ADCY10: variants seen among roughly 807,000 people sequenced by gnomAD.
ADCY10 encodes adenylate cyclase type 10.
In ADCY10, 156 loss-of-function variants were observed where a neutral mutation model predicts 183.3. The observed-to-expected ratio is 0.85, with a 90% CI of 0.75 to 0.97. The LOEUF (loss-of-function observed/expected upper bound fraction) is 0.97, where lower values mean the gene tolerates loss of function less well. Among genes scored for constraint, ADCY10 ranks in the 50% least tolerant of loss-of-function variants. The pLI, the probability that ADCY10 is intolerant of heterozygous loss-of-function variation, is 0.00. For missense variants in ADCY10, 1,745 were observed against 1,934.3 expected, an observed-to-expected ratio of 0.90 and a Z score of 1.84; for synonymous variants, 645 against 670.0, an observed-to-expected ratio of 0.96 and a Z score of 0.58.
intron 1 of ADCY10, among the ~76,000 whole-genome samples, chr1:167,907,167 T>C (rs930241134): frequency 3.3e-5 from 5 of 152,164 alleles, no homozygotes; most frequent in African/African-American, 9.7e-5. Context: ...CAAAAAACCA[T>C]GGAGAACAAG....
intron 14 of ADCY10, among the ~76,000 whole-genome samples, chr1:167,866,530 C>CAAAAAAAAAAAAAAAAAAAAAAA: frequency 9.0e-6 from 1 of 110,782 alleles, no homozygotes; most frequent in Non-Finnish European, 2.0e-5. Context: ...CTCTATGTGC[C>CAAAAAAAAAAAAAAAAAAAAAAA]AAAAAAAAAA....
chr1:167,828,977 A>C (rs1229296504), intron 26 of ADCY10, among the ~76,000 whole-genome samples: 2 of 151,988 alleles, frequency 1.3e-5, no homozygotes, highest in Admixed American at 1.3e-4. Flanking sequence ...AAACCAGCAA[A>C]AATAATAATA....
chr1:167,913,702 G>C (rs572759624), intron 1 of ADCY10, among the ~76,000 whole-genome samples: 274 of 150,970 alleles, frequency 1.8e-3, no homozygotes, highest in African/African-American at 6.3e-3. Context: ...CTGATAAAAA[G>C]GAGGATATCA....
chr1:167,880,717 G>T, intron 9 of ADCY10, 108 bp from the exon 10 acceptor site: 1 of 787,316 alleles, frequency 1.3e-6, no homozygotes, highest in African/African-American at 1.7e-5. Context: ...TTCTGAATCA[G>T]ATTTTATCAT....
chr1:167,888,655 T>C (rs1288602572), intron 8 of ADCY10, among the ~76,000 whole-genome samples: 1 of 152,012 alleles, frequency 6.6e-6, no homozygotes, highest in Non-Finnish European at 1.5e-5. Flanking sequence ...GGCGGGCGGA[T>C]CACGAGGTCA....
At chr1:167,885,235 C>T (rs184067551) in intron 8 of ADCY10, among the ~76,000 whole-genome samples, 29 of 152,300 alleles carry the variant, frequency 1.9e-4, no homozygotes, top group African/African-American at 6.3e-4. Flanking sequence ...CTGTGAATAG[C>T]ACTGCAGTAA....
intron 7 of ADCY10, among the ~76,000 whole-genome samples, chr1:167,894,619 A>ATGTG (rs138742358): frequency 5.3e-5 from 8 of 151,348 alleles, no homozygotes; most frequent in African/African-American, 1.7e-4. Context: ...GTGAAAAAAA[A>ATGTG]TGTGTGTGTG....
chr1:167,826,230 G>A (rs1294064238), intron 26 of ADCY10, among the ~76,000 whole-genome samples: 2 of 152,192 alleles, frequency 1.3e-5, no homozygotes, highest in Non-Finnish European at 2.9e-5. Flanking sequence ...GGTGGTGGGG[G>A]AAGAGAGAAG....
At chr1:167,847,178 C>T (rs1376136145) in intron 19 of ADCY10, among the ~76,000 whole-genome samples, 6 of 151,918 alleles carry the variant, frequency 3.9e-5, no homozygotes, top group African/African-American at 9.7e-5. Flanking sequence ...CCACCTGCCT[C>T]GGCCTCCCAA....
rs764686150 is a variant in ADCY10, at chr1:167,809,856, AG to A, written c.4672-18del. 6.2e-7 allele frequency: 1 copy of A among 1,613,468 alleles called. No individual in the cohort carries two copies. Among genetic ancestry groups the A allele is most frequent in the Non-Finnish European group, 8.5e-7 (1 of 1,179,380 alleles). On this transcript the variant is annotated intron_variant, in intron 32 of 32. Transcript: ENST00000367851. ...CCATGATTCCTGAGAGGAAAGAAAC[AG>A]AACAAAGAAATCATTAGTGCTTCTT...
At chr1:167,846,337 A>G in intron 19 of ADCY10, 74 bp from the exon 20 acceptor site, 18 of 1,568,590 alleles carry the variant, frequency 1.1e-5, no homozygotes, top group Non-Finnish European at 1.6e-5. Context: ...AATATAGAGC[A>G]GGTGGACAAC....
At position 167,833,233 on chromosome 1, in the gene ADCY10, CA is replaced by C. The variant is rs1052541345; in HGVS notation, c.3418-72del. 2.8e-5 allele frequency: 39 copies of C among 1,407,406 alleles called. 1 individual carries two copies. The African/African-American group carries it at 4.4e-4, about 16-fold the overall frequency. 87.2% of individuals were successfully genotyped at this position (1,407,406 alleles called of 1,614,324 possible). A position where few individuals can be genotyped will look rare whatever the true frequency, so the allele number is the denominator to read the frequency against. Reference sequence around the variant, plus strand: ...TTCTAACTTAATTAGTAGGTCCCAACAATCCATATTTTGGGGATTCTTATCA... The same window carrying C: ...TTCTAACTTAATTAGTAGGTCCCAACATCCATATTTTGGGGATTCTTATCA... On this transcript the variant is annotated intron_variant, in intron 24 of 32. Transcript: ENST00000367851.
At chr1:167,869,934 T>C (rs927699313) in intron 14 of ADCY10, among the ~76,000 whole-genome samples, 24 of 152,228 alleles carry the variant, frequency 1.6e-4, no homozygotes, top group African/African-American at 5.5e-4. Flanking sequence ...CTTAAGTGTT[T>C]GTTCTGCAGA....
At chr1:167,891,119 G>T (rs1015093459) in intron 8 of ADCY10, among the ~76,000 whole-genome samples, 1 of 151,944 alleles carries the variant, frequency 6.6e-6, no homozygotes, top group Admixed American at 6.6e-5. Context: ...GTGCCACCGC[G>T]CCTGGCTAAT....
chr1:167,878,255 T>C (rs1485032654), intron 12 of ADCY10, among the ~76,000 whole-genome samples, 191 bp downstream of exon 12: 2 of 152,196 alleles, frequency 1.3e-5, no homozygotes, highest in Non-Finnish European at 2.9e-5. Context: ...GAATGGGATT[T>C]TCCACCATGC....
intron 13 of ADCY10, among the ~76,000 whole-genome samples, chr1:167,872,352 T>C (rs888261302): frequency 2.1e-5 from 3 of 143,664 alleles, no homozygotes; most frequent in Non-Finnish European, 4.6e-5. Context: ...AAAAATAAAG[T>C]TTCCTAAGGA....
chr1:167,895,311 T>A (rs432110), intron 7 of ADCY10, among the ~76,000 whole-genome samples: 17,387 of 152,104 alleles, frequency 0.11, 1,163 homozygotes, highest in African/African-American at 0.18. Context: ...GTGGGTAATG[T>A]CATGAGGCTT....
chr1:167,870,850 A>G (rs1392182773), intron 13 of ADCY10, among the ~76,000 whole-genome samples: 2 of 151,820 alleles, frequency 1.3e-5, no homozygotes, highest in Non-Finnish European at 2.9e-5. Flanking sequence ...CATTGTTCAC[A>G]GACTTTCTTC....
chr1:167,812,834 G>A (rs1662305117), intron 31 of ADCY10, among the ~76,000 whole-genome samples: 2 of 152,168 alleles, frequency 1.3e-5, no homozygotes, highest in South Asian at 4.1e-4. Context: ...ATACCAAAAA[G>A]AAATTCTGGA....
Sources: gnomAD v4.1 joint callset for allele counts (sites outside exome capture counted in the v4.1 genomes callset) on GRCh38, gnomAD v4.1.1 for gene constraint, MANE v1.5 for transcripts, NCBI Gene and HGNC (gene_info 2026-07-23, HGNC 2026-07-21) for gene names.